STON2: variants seen among roughly 807,000 people sequenced by gnomAD.
The protein encoded by STON2 is stonin-2.
In STON2, 29 loss-of-function variants were observed where a neutral mutation model predicts 65.7. The observed-to-expected ratio is 0.44, with a 90% CI of 0.33 to 0.60. The LOEUF (loss-of-function observed/expected upper bound fraction) is 0.60, where lower values mean the gene tolerates loss of function less well. Among genes scored for constraint, STON2 ranks in the 20% least tolerant of loss-of-function variants. STON2 has a pLI of 0.03. For missense variants in STON2, 1,054 were observed against 1,118.1 expected (o/e 0.94, Z 0.82); for synonymous variants, 404 against 414.2 (o/e 0.98, Z 0.30).
intron 4 of STON2, among the ~76,000 whole-genome samples, chr14:81,344,735 A>T (rs1187863837): frequency 6.6e-6 from 1 of 152,212 alleles, no homozygotes; most frequent in East Asian, 1.9e-4. Flanking sequence ...CAAATTCCCA[A>T]TTCTCCACTC....
chr14:81,396,002 C>T lies in STON2; in HGVS notation c.265G>A (p.Glu89Lys). ...GAGGCCAGGTCAGGTGGGGGCTGCT[C>T]AGGGCTCCCAGGTGGGGAAGCTGCT... ...SEAASPPGSP[E>K]QPPPDLASAI... Residue 89 changes from glutamate (E) to lysine (K), a missense_variant, in exon 3 of 8, where the codon GAG (glutamate) becomes AAG (lysine). Physicochemically the swap from Glu to Lys is moderately conservative, Grantham distance 56. Transcript: ENST00000614646. 1 of 1,614,170 alleles carries T rather than the reference C, an allele frequency of 6.2e-7. No homozygotes were observed. Among genetic ancestry groups the T allele is most frequent in the Non-Finnish European group, 8.5e-7 (1 of 1,180,018 alleles).
chr14:81,266,976 C>A lies in STON2; in HGVS notation c.*1438G>T. On this transcript the variant is annotated 3_prime_UTR_variant, in exon 8 of 8. Transcript: ENST00000614646. ...ATATTTCAAAATACTGTAACTATTT[C>A]TATATCCCAGTGTCAATACACATTT... The A allele has an allele frequency of 4.1e-6, 4 of 985,334 alleles. No individual in the cohort carries two copies. The highest frequency in any genetic ancestry group is 4.8e-6 in the Non-Finnish European group (4 of 829,822). 61.0% of individuals were successfully genotyped at this position (985,334 alleles called of 1,614,324 possible). A position where few individuals can be genotyped will look rare whatever the true frequency, so the allele number is the denominator to read the frequency against.
At chr14:81,342,778 T>C (rs1897664122) in intron 4 of STON2, among the ~76,000 whole-genome samples, 1 of 151,862 alleles carries the variant, frequency 6.6e-6, no homozygotes, top group Non-Finnish European at 1.5e-5. Flanking sequence ...AGGGGGGGCA[T>C]GGGGACAAGT....
chr14:81,331,771 A>G (rs562774121), intron 4 of STON2, among the ~76,000 whole-genome samples: 5 of 152,222 alleles, frequency 3.3e-5, no homozygotes, highest in Non-Finnish European at 5.9e-5. Context: ...GGTTAGAGCC[A>G]TAGAAACCAA....
At chr14:81,356,322 G>C (rs1422401508) in intron 4 of STON2, among the ~76,000 whole-genome samples, 1 of 152,120 alleles carries the variant, frequency 6.6e-6, no homozygotes, top group South Asian at 2.1e-4. Flanking sequence ...ATTGATTTGC[G>C]TATATTGAAC....
At chr14:81,431,743 C>T (rs1201958352) in intron 1 of STON2, among the ~76,000 whole-genome samples, 1 of 150,826 alleles carries the variant, frequency 6.6e-6, no homozygotes, top group Non-Finnish European at 1.5e-5. Context: ...GCGCACTGCA[C>T]TCTAGGCTAG....
At chr14:81,430,728 A>G (rs1902194413) in intron 1 of STON2, among the ~76,000 whole-genome samples, 1 of 152,202 alleles carries the variant, frequency 6.6e-6, no homozygotes. Flanking sequence ...GATGTGAAAA[A>G]ACATATATAT....
chr14:81,401,813 T>C (rs776511749), upstream of STON2, among the ~76,000 whole-genome samples: 22 of 152,150 alleles, frequency 1.4e-4, no homozygotes, highest in African/African-American at 2.7e-4. Flanking sequence ...ATGGGGGTCA[T>C]AGAAGTAGTT....
chr14:81,268,974 T>C (rs558669707), intron 7 of STON2, among the ~76,000 whole-genome samples: 4 of 152,314 alleles, frequency 2.6e-5, no homozygotes, highest in South Asian at 4.1e-4. Flanking sequence ...TTCTTTGTAA[T>C]TGACTGTTTG....
chr14:81,289,278 G>A (rs144191478), intron 5 of STON2, among the ~76,000 whole-genome samples: 297 of 152,298 alleles, frequency 2.0e-3, no homozygotes, highest in Admixed American at 2.9e-3. Flanking sequence ...GAGCAAGTAA[G>A]ATCAGTTTCA....
At chr14:81,360,418 AG>A (rs1168519244) in intron 4 of STON2, among the ~76,000 whole-genome samples, 4 of 152,214 alleles carry the variant, frequency 2.6e-5, no homozygotes, top group African/African-American at 9.6e-5. Context: ...ACAAAATAAA[AG>A]ATAAAAAAAG....
chr14:81,270,894 G>A (rs1328573888), intron 6 of STON2, 22 bp from the exon 7 acceptor site: 2 of 1,608,666 alleles, frequency 1.2e-6, no homozygotes, highest in African/African-American at 1.3e-5. Flanking sequence ...AGACAATCGA[G>A]AGATCAGATT....
chr14:81,303,059 G>GTGTGT (rs1566897923), intron 5 of STON2, among the ~76,000 whole-genome samples: 104 of 97,054 alleles, frequency 1.1e-3, no homozygotes, highest in African/African-American at 2.5e-3. Context: ...ATGTGTGGGG[G>GTGTGT]GTGTGTGTGT....
chr14:81,282,115 C>T (rs190934740), intron 5 of STON2, among the ~76,000 whole-genome samples: 25 of 152,202 alleles, frequency 1.6e-4, no homozygotes, highest in Admixed American at 4.6e-4. Flanking sequence ...AAGCATGCAA[C>T]GATGTACACA....
chr14:81,355,554 G>C (rs188205053), intron 4 of STON2, among the ~76,000 whole-genome samples: 1 of 152,214 alleles, frequency 6.6e-6, no homozygotes. Flanking sequence ...AGCTGCCTCT[G>C]AAATGAGGGA....
rs1453500396 is a variant in STON2, at chr14:81,261,871, AAT to A, written c.*6541_*6542del. 5.2e-6 allele frequency: 8 copies of A among 1,534,330 alleles called. No homozygotes were observed. Among genetic ancestry groups the A allele is most frequent in the Non-Finnish European group, 7.0e-6 (8 of 1,146,454 alleles). On this transcript the variant is annotated 3_prime_UTR_variant, in exon 8 of 8. Transcript: ENST00000614646. ...ACCACCCTCTTTGATCCTCTTTTTA[AAT>A]CTGTGTGTGGAAGGCAACTGCAATA...
chr14:81,306,220 C>CTATTTTTTTTT lies in STON2; in HGVS notation c.742+17796_742+17797insAAAAAAAAATA, dbSNP rs1555397665. On this transcript the variant is annotated intron_variant, in intron 5 of 7. Coordinates refer to ENST00000614646, the MANE Select transcript of STON2 (RefSeq NM_001394390.1). ...TTATATATACACACACATACATACT[C>CTATTTTTTTTT]TTTTTTTTTTTTTTTTTTTTTTTTT... is the stretch of plus-strand genomic sequence containing the variant. Among the ~76,000 whole-genome samples, 11 of 69,490 alleles carry CTATTTTTTTTT rather than the reference C, an allele frequency of 1.6e-4. 2 individuals are homozygous for CTATTTTTTTTT. The highest frequency in any genetic ancestry group is 2.0e-4 in the Non-Finnish European group (8 of 39,088). The allele number at this position is 69,490 out of a possible 152,430, so 45.6% of individuals were successfully genotyped here. A position where few individuals can be genotyped will look rare whatever the true frequency, so the allele number is the denominator to read the frequency against.
At chr14:81,425,571 CA>C (rs891503250) in intron 2 of STON2, among the ~76,000 whole-genome samples, 241 of 141,506 alleles carry the variant, frequency 1.7e-3, no homozygotes, top group Admixed American at 2.0e-3. Flanking sequence ...ACTCTGCCAT[CA>C]AAAAAAAAAA....
chr14:81,402,391 T>C (rs1900651739), upstream of STON2, among the ~76,000 whole-genome samples: 1 of 152,176 alleles, frequency 6.6e-6, no homozygotes, highest in South Asian at 2.1e-4. Flanking sequence ...TGCAGGGAGA[T>C]ACCACAGCAA....
Sources: allele counts gnomAD v4.1 joint callset (sites outside exome capture counted in the v4.1 genomes callset), GRCh38; gene constraint gnomAD v4.1.1; transcripts MANE v1.5; gene names NCBI Gene and HGNC (gene_info 2026-07-23, HGNC 2026-07-21).